The following NEURL1 variants were observed in gnomAD, a reference collection of about 807,000 sequenced individuals.
NEURL1 encodes the protein E3 ubiquitin-protein ligase NEURL1.
NEURL1 carries 26 observed loss-of-function variants against 41.2 expected under a neutral mutation model. The observed-to-expected ratio is 0.63, with a 90% CI of 0.46 to 0.87. The LOEUF is 0.87. NEURL1 is among the 40% of genes least tolerant of loss of function. NEURL1 has a pLI of 0.00. For missense variants in NEURL1, 761 were observed against 871.1 expected, an observed-to-expected ratio of 0.87 and a Z score of 1.59; for synonymous variants, 400 against 402.3, an observed-to-expected ratio of 0.99 and a Z score of 0.07.
At chr10:103,500,132 G>A (rs1428473112) in intron 1 of NEURL1, among the ~76,000 whole-genome samples, 1 of 152,176 alleles carries the variant, frequency 6.6e-6, no homozygotes, top group Non-Finnish European at 1.5e-5. Context: ...CGTCAGCCCC[G>A]TGTTGAACCC....
At chr10:103,561,787 A>T (rs138859313) in intron 1 of NEURL1, among the ~76,000 whole-genome samples, 80 of 152,246 alleles carry the variant, frequency 5.3e-4, no homozygotes, top group African/African-American at 1.8e-3. Flanking sequence ...GAAAGAATCA[A>T]CCCTCATGGC....
At chr10:103,513,137 G>A (rs1592185235) in intron 1 of NEURL1, among the ~76,000 whole-genome samples, 1 of 151,842 alleles carries the variant, frequency 6.6e-6, no homozygotes, top group Non-Finnish European at 1.5e-5. Flanking sequence ...AGTCTTGCTC[G>A]CTCCCCAGCA....
At chr10:103,580,425 G>A (rs781135193) in intron 3 of NEURL1, among the ~76,000 whole-genome samples, 2 of 152,188 alleles carry the variant, frequency 1.3e-5, no homozygotes, top group Non-Finnish European at 2.9e-5. Context: ...TGCCCATCTG[G>A]TTTTTCTAAG....
chr10:103,501,730 T>TCTCCCGGGG (rs2033829913), intron 1 of NEURL1, among the ~76,000 whole-genome samples: 1 of 151,902 alleles, frequency 6.6e-6, no homozygotes, highest in African/African-American at 2.4e-5. Flanking sequence ...CCTCCCGGGT[T>TCTCCCGGGG]CAAGTGATTC....
At chr10:103,582,509 G>C (rs1044765958) in intron 3 of NEURL1, among the ~76,000 whole-genome samples, 1 of 152,210 alleles carries the variant, frequency 6.6e-6, no homozygotes, top group East Asian at 1.9e-4. Context: ...GCCCCAGGAG[G>C]CTTCTCCAGA....
At position 103,494,372 on chromosome 10, in the gene NEURL1, C is replaced by T. The variant is rs2033629412; in HGVS notation, c.-16C>T. The T allele has an allele frequency of 5.7e-6, 9 of 1,572,722 alleles. No homozygotes were observed. The highest frequency in any genetic ancestry group is 7.8e-6 in the Non-Finnish European group (9 of 1,158,844). ...GCCCCCACCCGCGAGCGCCGAACCT[C>T]CTGGGGCCGGATGCCATGGGTAACA... On this transcript the variant is annotated 5_prime_UTR_variant, in exon 1 of 6. Coordinates refer to ENST00000369780, the MANE Select transcript of NEURL1 (RefSeq NM_004210.5).
At chr10:103,520,371 A>T (rs2034319255) in intron 1 of NEURL1, among the ~76,000 whole-genome samples, 1 of 152,028 alleles carries the variant, frequency 6.6e-6, no homozygotes. Flanking sequence ...GGAAAATTAC[A>T]GTCAAGGGGG....
intron 1 of NEURL1, among the ~76,000 whole-genome samples, chr10:103,570,333 A>G (rs2035512219): frequency 6.6e-6 from 1 of 152,198 alleles, no homozygotes; most frequent in Non-Finnish European, 1.5e-5. Context: ...CCATTGTGCC[A>G]GAGAGGGAAG....
At chr10:103,549,903 T>C (rs762471424) in intron 1 of NEURL1, among the ~76,000 whole-genome samples, 35 of 152,248 alleles carry the variant, frequency 2.3e-4, no homozygotes, top group Middle Eastern at 6.3e-3. Flanking sequence ...TGTGTGGCCT[T>C]GGCAAAGTCT....
rs780420149 is a variant in NEURL1 at position 103,589,611 on chromosome 10, C to A, written c.1437C>A (p.Asp479Glu). The A allele has an allele frequency of 3.1e-6, 5 of 1,613,948 alleles. No individual in the cohort carries two copies. The South Asian group carries it at 5.5e-5, about 18-fold the overall frequency. The change falls in exon 5 of 6, where the codon GAC becomes GAA. Residue 479 changes from aspartate (D) to glutamate (E), a missense_variant. Coordinates refer to ENST00000369780, the MANE Select transcript of NEURL1 (RefSeq NM_004210.5). ...GTGCCCTGGGCAGCCGCCTGTCTGA[C>A]CCCTTGCTCAGCACGTGCAGCTCTG... Reference protein sequence around the residue: ...SPSALGSRLSDPLLSTCSSGP... With the variant: ...SPSALGSRLSEPLLSTCSSGP...
chr10:103,577,514 T>C (rs890919983), intron 3 of NEURL1: 1 of 152,546 alleles, frequency 6.6e-6, no homozygotes, highest in Non-Finnish European at 1.5e-5. Context: ...CAGCTGGCAG[T>C]TGGTGGAGCT....
Position 103,584,634 on chromosome 10 carries a change from G to A in NEURL1, c.748G>A (p.Val250Met), listed in dbSNP as rs977620878. The change falls in exon 4 of 6, where the codon GTG (valine) becomes ATG (methionine). Residue 250 changes from valine (V) to methionine (M), a missense_variant. Around this residue, in one of 5 missense-constraint regions of NEURL1, gnomAD observed 114 missense variants for 144.8 expected, o/e 0.79. Transcript: ENST00000369780. ...RREADDARLS[V>M]SLCDLNVPGA... is the part of the protein sequence containing the mutation. ...CGAGGCGGACGACGCGCGCCTCTCG[G>A]TGAGCCTATGCGACCTCAACGTGCC... 2 of 1,432,802 alleles carry A rather than the reference G, an allele frequency of 1.4e-6. No individual in the cohort carries two copies. Among genetic ancestry groups the A allele is most frequent in the Non-Finnish European group, 1.8e-6 (2 of 1,100,000 alleles). 88.8% of individuals were successfully genotyped at this position (1,432,802 alleles called of 1,614,324 possible). A position where few individuals can be genotyped will look rare whatever the true frequency, so the allele number is the denominator to read the frequency against.
intron 1 of NEURL1, among the ~76,000 whole-genome samples, chr10:103,554,055 T>A (rs2035091502): frequency 6.6e-6 from 1 of 152,232 alleles, no homozygotes; most frequent in Non-Finnish European, 1.5e-5. Flanking sequence ...ACAGATATCA[T>A]CATAGCCACT....
intron 1 of NEURL1, among the ~76,000 whole-genome samples, chr10:103,523,506 G>T (rs2034398709): frequency 6.6e-6 from 1 of 151,854 alleles, no homozygotes; most frequent in African/African-American, 2.4e-5. Flanking sequence ...ATTGTTGTTA[G>T]TTATAGTCAC....
chr10:103,552,541 C>T lies in NEURL1; in HGVS notation c.86-18331C>T, dbSNP rs115171711. On this transcript the variant is annotated intron_variant, in intron 1 of 5. Coordinates refer to ENST00000369780, the MANE Select transcript of NEURL1 (RefSeq NM_004210.5). ...CTGTTGCTTTTCAGGAAAGCCTGTC[C>T]TGAGCCTCCCAGAACCTTGCTCCTT... 5.8e-3 allele frequency among the ~76,000 whole-genome samples: 886 copies of T among 152,304 alleles called. 8 individuals carry two copies. The highest frequency in any genetic ancestry group is 0.02 in the African/African-American group (841 of 41,562).
rs1456766851 is a variant in NEURL1 at position 103,584,966 on chromosome 10, C to G, written c.1080C>G (p.Cys360Trp). 14 of 1,517,206 alleles carry G rather than the reference C, an allele frequency of 9.2e-6. No homozygotes were observed. The highest frequency in any genetic ancestry group is 9.6e-6 in the Non-Finnish European group (11 of 1,141,754). The allele number at this position is 1,517,206 out of a possible 1,614,324, so 94.0% of individuals were successfully genotyped here. The change falls in exon 4 of 6, where the codon TGC becomes TGG. Residue 360 changes from cysteine (C) to tryptophan (W), a missense_variant. Around this residue, in one of 5 missense-constraint regions of NEURL1, gnomAD observed 443 missense variants for 408.1 expected, o/e 1.09. Transcript: ENST00000369780. ...CGCTGTCGTTCGGCGTCACCACGTG[C>G]GACCCCGGCACGCTGCGGCCGGCCG... Reference protein sequence around the residue: ...PGALSFGVTTCDPGTLRPADL... With the variant: ...PGALSFGVTTWDPGTLRPADL...
intron 3 of NEURL1, among the ~76,000 whole-genome samples, chr10:103,576,630 C>A (rs554582186): frequency 1.3e-5 from 2 of 152,286 alleles, no homozygotes; most frequent in African/African-American, 4.8e-5. Context: ...GAACCCAGAT[C>A]TCTCAGGCTG....
At chr10:103,510,846 G>A (rs953476158) in intron 1 of NEURL1, among the ~76,000 whole-genome samples, 1 of 152,162 alleles carries the variant, frequency 6.6e-6, no homozygotes, top group African/African-American at 2.4e-5. Context: ...TGAGCTCTGG[G>A]AAGCCCTCTT....
intron 1 of NEURL1, among the ~76,000 whole-genome samples, chr10:103,504,330 A>G (rs76384183): frequency 0.038 from 5,739 of 152,080 alleles, 97 homozygotes; most frequent in South Asian, 0.052. Context: ...CTTGGTTGTG[A>G]CAATTTCTCA....
Sources: gnomAD v4.1 joint callset for allele counts (sites outside exome capture counted in the v4.1 genomes callset) on GRCh38, gnomAD v4.1.1 for gene constraint, gnomAD v4.1.1 regional missense constraint, MANE v1.5 for transcripts, NCBI Gene and HGNC (gene_info 2026-07-23, HGNC 2026-07-21) for gene names.